Variants in COL21A1 observed in about 807,000 individuals in gnomAD.
COL21A1 encodes the protein collagen type XXI alpha 1 chain, also known as collagen alpha-1(XXI) chain.
COL21A1 carries 149 observed loss-of-function variants against 137.9 expected under a neutral mutation model. The observed-to-expected ratio is 1.08, with a 90% CI of 0.95 to 1.24. COL21A1 has a LOEUF of 1.24. Among genes scored for constraint, COL21A1 ranks in the 50% most tolerant of loss-of-function variants. The probability of loss-of-function intolerance (pLI) is 0.00; values close to 1 mark genes in which losing one functional copy is unlikely to be tolerated. For missense variants in COL21A1, 1,167 were observed against 1,158.4 expected (o/e 1.01, Z -0.11); for synonymous variants, 456 against 391.5 (o/e 1.16, Z -1.95).
At chr6:56,293,093 A>G (rs894830230) in intron 1 of COL21A1, among the ~76,000 whole-genome samples, 10 of 152,184 alleles carry the variant, frequency 6.6e-5, no homozygotes, top group African/African-American at 2.4e-4. Context: ...ATACACTAAG[A>G]TTGAGTTTGC....
At chr6:56,232,219 A>G (rs1582698314) in intron 1 of COL21A1, among the ~76,000 whole-genome samples, 1 of 152,002 alleles carries the variant, frequency 6.6e-6, no homozygotes, top group East Asian at 1.9e-4. Flanking sequence ...CCAACTGAGT[A>G]AAAAATGAAA....
At chr6:56,388,256 C>G (rs1470693139) in intron 1 of COL21A1, among the ~76,000 whole-genome samples, 4 of 152,180 alleles carry the variant, frequency 2.6e-5, no homozygotes, top group African/African-American at 7.2e-5. Context: ...GAATAAACAT[C>G]AGTAGTAGTC....
chr6:56,197,107 A>G (rs190108116), intron 1 of COL21A1, among the ~76,000 whole-genome samples: 11 of 152,020 alleles, frequency 7.2e-5, no homozygotes, highest in Non-Finnish European at 1.3e-4. Flanking sequence ...TTTCCACAAA[A>G]TGTCAAGAAA....
At chr6:56,198,351 A>G (rs541056447) in intron 1 of COL21A1, among the ~76,000 whole-genome samples, 1 of 152,242 alleles carries the variant, frequency 6.6e-6, no homozygotes, top group Non-Finnish European at 1.5e-5. Context: ...CTGAGAGAAT[A>G]GATCTCAAGT....
At chr6:56,137,516 G>C (rs1774090431) in intron 12 of COL21A1, among the ~76,000 whole-genome samples, 1 of 152,028 alleles carries the variant, frequency 6.6e-6, no homozygotes, top group Non-Finnish European at 1.5e-5. Flanking sequence ...ACAGTGATGG[G>C]GATTCCATTT....
intron 17 of COL21A1, among the ~76,000 whole-genome samples, chr6:56,101,149 T>C (rs954321271): frequency 6.6e-6 from 1 of 152,168 alleles, no homozygotes; most frequent in Non-Finnish European, 1.5e-5. Context: ...GAGTATACTA[T>C]GAAACAATAG....
Position 56,108,602 on chromosome 6 carries a change from T to C in COL21A1, c.1759-7077A>G, listed in dbSNP as rs530798898. On this transcript the variant is annotated intron_variant, in intron 16 of 29. Transcript: ENST00000244728. ...ATGAATAACGTAGAAACTACATTCA[T>C]GAAACAGAAGGTGAAAGAAAAAATA... 1.1e-3 allele frequency among the ~76,000 whole-genome samples: 170 copies of C among 151,846 alleles called. 4 individuals carry two copies. Among genetic ancestry groups the C allele is most frequent in the Non-Finnish European group, 4.3e-4 (29 of 67,822 alleles).
At chr6:56,126,761 C>T (rs1773080683) in intron 12 of COL21A1, 1 of 152,102 alleles carries the variant, frequency 6.6e-6, no homozygotes, top group Non-Finnish European at 1.5e-5. Context: ...ACTGCTTTAG[C>T]TTCAAAATCT....
At chr6:56,220,484 T>C (rs1355557086) in intron 1 of COL21A1, among the ~76,000 whole-genome samples, 3 of 152,332 alleles carry the variant, frequency 2.0e-5, no homozygotes, top group African/African-American at 7.2e-5. Flanking sequence ...CTAAAATTTC[T>C]TAACTGCTAA....
intron 1 of COL21A1, among the ~76,000 whole-genome samples, chr6:56,339,038 T>G (rs1039979367): frequency 1.3e-5 from 2 of 152,216 alleles, no homozygotes; most frequent in African/African-American, 4.8e-5. Flanking sequence ...CTCTGTAGCA[T>G]GTATGAAGCA....
chr6:56,101,582 A>C (rs1770462014), intron 16 of COL21A1, 57 bp from the exon 17 acceptor site: 1 of 1,191,028 alleles, frequency 8.4e-7, no homozygotes. Flanking sequence ...CTGCTTACCA[A>C]AATAACAATA....
chr6:56,204,109 G>A (rs1476658945), intron 1 of COL21A1, among the ~76,000 whole-genome samples: 3 of 152,026 alleles, frequency 2.0e-5, no homozygotes, highest in African/African-American at 7.2e-5. Flanking sequence ...ATACCCCAGT[G>A]TCACCTGGAA....
intron 1 of COL21A1, among the ~76,000 whole-genome samples, chr6:56,234,742 C>G (rs1345608448): frequency 2.0e-5 from 3 of 151,676 alleles, no homozygotes; most frequent in Non-Finnish European, 4.4e-5. Context: ...CTTTATCTTC[C>G]TCTGCTTAAA....
intron 14 of COL21A1, among the ~76,000 whole-genome samples, chr6:56,125,011 C>CTTTTTT (rs70986773): frequency 1.8e-5 from 1 of 54,840 alleles, no homozygotes; most frequent in Non-Finnish European, 3.1e-5. Flanking sequence ...ATCTGTAAAT[C>CTTTTTT]TTTTTTTTTT....
At chr6:56,168,437 C>T in intron 5 of COL21A1, 140 bp from the exon 6 acceptor site, 5 of 565,302 alleles carry the variant, frequency 8.8e-6, no homozygotes, top group Non-Finnish European at 1.4e-5. Context: ...TTAATTCACC[C>T]TGATCCAAGG....
intron 16 of COL21A1, among the ~76,000 whole-genome samples, chr6:56,118,952 C>T (rs1261386989): frequency 6.6e-6 from 1 of 152,030 alleles, no homozygotes; most frequent in Non-Finnish European, 1.5e-5. Context: ...CCATCTATGA[C>T]AAACCCACAG....
At chr6:56,180,751 T>C (rs1777831148) in intron 2 of COL21A1, among the ~76,000 whole-genome samples, 1 of 152,144 alleles carries the variant, frequency 6.6e-6, no homozygotes, top group Non-Finnish European at 1.5e-5. Context: ...GAATATAAAA[T>C]TATCTCATTA....
intron 1 of COL21A1, among the ~76,000 whole-genome samples, chr6:56,196,405 A>T (rs1009277908): frequency 5.3e-5 from 8 of 152,242 alleles, no homozygotes; most frequent in Non-Finnish European, 1.0e-4. Context: ...AGGCATCCAA[A>T]TTGGAAAGGA....
At chr6:56,148,459 T>G (rs1255172109) in intron 10 of COL21A1, among the ~76,000 whole-genome samples, 1 of 151,960 alleles carries the variant, frequency 6.6e-6, no homozygotes, top group Non-Finnish European at 1.5e-5. Context: ...TAGAATGTAT[T>G]TCATATACTT....
Sources: gnomAD v4.1 joint callset for allele counts (sites outside exome capture counted in the v4.1 genomes callset) on GRCh38, gnomAD v4.1.1 for gene constraint, MANE v1.5 for transcripts, NCBI Gene and HGNC (gene_info 2026-07-23, HGNC 2026-07-21) for gene names.